BNC2: variants seen among roughly 807,000 people sequenced by gnomAD.
The protein encoded by BNC2 is zinc finger protein basonuclin-2.
Under a neutral mutation model 76.3 loss-of-function variants are expected in BNC2, and 20 were observed. That is an observed-to-expected ratio of 0.26 (90% CI 0.18 to 0.38). The LOEUF is 0.38. Among genes scored for constraint, BNC2 ranks in the 10% least tolerant of loss-of-function variants. BNC2 has a pLI of 1.00. For missense variants in BNC2, 1,382 were observed against 1,399.8 expected (o/e 0.99, Z 0.20); for synonymous variants, 582 against 514.8 (o/e 1.13, Z -1.77).
intron 1 of BNC2, among the ~76,000 whole-genome samples, chr9:16,830,695 T>C (rs2136017978): frequency 1.3e-5 from 2 of 152,328 alleles, no homozygotes; most frequent in South Asian, 4.1e-4. Context: ...TTTTCTCCTT[T>C]GATAAAACTC....
intron 5 of BNC2, among the ~76,000 whole-genome samples, chr9:16,537,352 A>G (rs1347381953): frequency 6.6e-6 from 1 of 152,114 alleles, no homozygotes; most frequent in East Asian, 1.9e-4. Flanking sequence ...AAAATCTTTT[A>G]AAAGTATTCT....
chr9:16,626,185 C>T lies in BNC2; in HGVS notation c.331-43100G>A, dbSNP rs139546621. On this transcript the variant is annotated intron_variant, in intron 3 of 6. Coordinates refer to ENST00000380672, the MANE Select transcript of BNC2 (RefSeq NM_017637.6). ...CTTGGTATATCTAAAGAGGACTCCT[C>T]AAAGATAAGACCACAAAAGTGAGGA... 9.9e-5 allele frequency: 15 copies of T among 152,200 alleles called. No individual in the cohort carries two copies. In the East Asian group the frequency reaches 2.9e-3, roughly 29 times the overall value. 9.4% of individuals were successfully genotyped at this position (152,200 alleles called of 1,614,324 possible).
intron 1 of BNC2, among the ~76,000 whole-genome samples, chr9:16,777,694 C>A (rs1284257945): frequency 8.7e-6 from 1 of 115,508 alleles, no homozygotes; most frequent in Non-Finnish European, 2.0e-5. Flanking sequence ...GGGCAAGACT[C>A]CATCTCAAAA....
At chr9:16,657,659 T>C (rs528141896) in intron 3 of BNC2, among the ~76,000 whole-genome samples, 1 of 152,280 alleles carries the variant, frequency 6.6e-6, no homozygotes, top group African/African-American at 2.4e-5. Flanking sequence ...CGTGTATTAA[T>C]AATAGGAAAG....
chr9:16,795,785 C>T (rs10962600), intron 1 of BNC2, among the ~76,000 whole-genome samples: 75,565 of 152,112 alleles, frequency 0.5, 25,269 homozygotes, highest in Non-Finnish European at 0.75. Flanking sequence ...AAAAGGCAAA[C>T]CACTAAAAAT....
At chr9:16,725,217 T>TCACTCTCA (rs929934068) in intron 3 of BNC2, among the ~76,000 whole-genome samples, 231 of 148,260 alleles carry the variant, frequency 1.6e-3, no homozygotes, top group African/African-American at 5.4e-3. Context: ...TCTCTCTCTC[T>TCACTCTCA]CACACACACA....
intron 5 of BNC2, 101 bp downstream of exon 5, chr9:16,552,429 G>A (rs1391001298): frequency 3.1e-6 from 3 of 954,364 alleles, no homozygotes; most frequent in Non-Finnish European, 5.0e-6. Context: ...TTTAACCAGA[G>A]GAGGGTGTGC....
chr9:16,579,796 T>G (rs1017267578), intron 4 of BNC2: 9 of 245,296 alleles, frequency 3.7e-5, no homozygotes, highest in Non-Finnish European at 6.2e-5. Flanking sequence ...GAAAATGCTG[T>G]TAACAAGGAT....
At chr9:16,520,542 T>A (rs1225363724) in intron 5 of BNC2, among the ~76,000 whole-genome samples, 1 of 152,150 alleles carries the variant, frequency 6.6e-6, no homozygotes, top group Non-Finnish European at 1.5e-5. Context: ...TTCCTGTGTT[T>A]AGACAATGAT....
intron 5 of BNC2, among the ~76,000 whole-genome samples, chr9:16,451,872 G>A (rs1821347574): frequency 6.6e-6 from 1 of 152,138 alleles, no homozygotes; most frequent in Non-Finnish European, 1.5e-5. Context: ...TGCTCACAGA[G>A]TTTATAAATG....
chr9:16,664,062 C>T (rs1434700713), intron 3 of BNC2, among the ~76,000 whole-genome samples: 3 of 152,168 alleles, frequency 2.0e-5, no homozygotes, highest in South Asian at 4.1e-4. Context: ...CTCGATTCCA[C>T]CTTTATCCTG....
chr9:16,829,171 G>A lies in BNC2; in HGVS notation c.3+41475C>T, dbSNP rs561735205. On this transcript the variant is annotated intron_variant, in intron 1 of 6. Coordinates refer to ENST00000380672, the MANE Select transcript of BNC2 (RefSeq NM_017637.6). ...GCCTCTGCGAATTTCCGTCTGGCACGGACTTGTGAGCATTAGGGAGCAAAC... is the reference window on the plus strand; with the variant it reads ...GCCTCTGCGAATTTCCGTCTGGCACAGACTTGTGAGCATTAGGGAGCAAAC... Among the ~76,000 whole-genome samples the A allele has an allele frequency of 4.9e-4, 75 of 152,342 alleles. No homozygotes were observed. In the South Asian group the frequency reaches 6.8e-3, roughly 14 times the overall value.
chr9:16,618,022 G>C (rs1156458392), intron 3 of BNC2, among the ~76,000 whole-genome samples: 1 of 152,184 alleles, frequency 6.6e-6, no homozygotes, highest in African/African-American at 2.4e-5. Flanking sequence ...CTCTAAAATG[G>C]AGCGCCACTT....
intron 1 of BNC2, among the ~76,000 whole-genome samples, chr9:16,779,542 G>C (rs963613688): frequency 3.3e-5 from 5 of 151,926 alleles, no homozygotes; most frequent in African/African-American, 1.2e-4. Flanking sequence ...CTTCATTTTT[G>C]CCTTTATAAG....
At chr9:16,699,330 A>G in intron 3 of BNC2, 1 of 356,922 alleles carries the variant, frequency 2.8e-6, no homozygotes, top group Non-Finnish European at 5.5e-6. Context: ...GTATTAATTC[A>G]ATCAGTGCCT....
intron 1 of BNC2, among the ~76,000 whole-genome samples, chr9:16,819,399 A>T (rs1818260394): frequency 6.6e-6 from 1 of 152,238 alleles, no homozygotes; most frequent in Non-Finnish European, 1.5e-5. Context: ...ACAATGGCTC[A>T]TGCCTGTAAT....
At chr9:16,558,144 A>ATAGAACT (rs1254782873) in intron 4 of BNC2, among the ~76,000 whole-genome samples, 3 of 152,122 alleles carry the variant, frequency 2.0e-5, no homozygotes, top group Non-Finnish European at 4.4e-5. Flanking sequence ...CACCATACTC[A>ATAGAACT]GACAATACCA....
intron 5 of BNC2, among the ~76,000 whole-genome samples, chr9:16,494,073 C>T (rs545550400): frequency 1.3e-4 from 20 of 152,228 alleles, no homozygotes; most frequent in South Asian, 1.0e-3. Context: ...ACAGACAAAC[C>T]CCTACCCTGG....
At chr9:16,450,462 G>A (rs1821317980) in intron 5 of BNC2, among the ~76,000 whole-genome samples, 1 of 152,190 alleles carries the variant, frequency 6.6e-6, no homozygotes, top group South Asian at 2.1e-4. Flanking sequence ...ATTTTCAGAT[G>A]TAAAATATTC....
Sources: gnomAD v4.1 joint callset for allele counts (sites outside exome capture counted in the v4.1 genomes callset) on GRCh38, gnomAD v4.1.1 for gene constraint, MANE v1.5 for transcripts, NCBI Gene and HGNC (gene_info 2026-07-23, HGNC 2026-07-21) for gene names.